Variants in PCDH11Y observed in about 807,000 individuals in gnomAD.
The protein encoded by PCDH11Y is protocadherin 11 Y-linked.
For missense variants in PCDH11Y, 12 were observed against 224.8 expected (o/e 0.05, Z 6.05); for synonymous variants, 9 against 83.6 (o/e 0.11, Z 4.87).
At chrY:5,324,914 G>A (rs2053116936) in intron 2 of PCDH11Y, among the ~76,000 whole-genome samples, 1 of 31,459 alleles carries the variant, frequency 3.2e-5, no homozygotes, top group Non-Finnish European at 7.7e-5. Context: ...GGGTGGGGCC[G>A]TTTTATAGCA....
At chrY:5,555,594 A>C in intron 3 of PCDH11Y, among the ~76,000 whole-genome samples, 1 of 32,996 alleles carries the variant, frequency 3.0e-5, no homozygotes, top group African/African-American at 1.2e-4. Flanking sequence ...TAAGTACCAC[A>C]AGATCTGATG....
At chrY:5,336,262 T>TTTTATTTA (rs2053136683) in intron 2 of PCDH11Y, among the ~76,000 whole-genome samples, 1 of 32,211 alleles carries the variant, frequency 3.1e-5, no homozygotes, top group African/African-American at 1.2e-4. Flanking sequence ...CTCATTTTTC[T>TTTTATTTA]TTTATTTATT....
intron 4 of PCDH11Y, among the ~76,000 whole-genome samples, chrY:5,600,758 C>T (rs2053472044): frequency 6.3e-5 from 2 of 31,668 alleles, no homozygotes; most frequent in Admixed American, 3.0e-4. Context: ...AATCTGATTC[C>T]GGGAAATATT....
chrY:5,694,435 A>G (rs2053570273), intron 4 of PCDH11Y, among the ~76,000 whole-genome samples: 3 of 32,503 alleles, frequency 9.2e-5, no homozygotes, highest in Non-Finnish European at 1.5e-4. Context: ...ATCTATGCCA[A>G]TCTGGTATTA....
chrY:5,554,379 A>G, intron 3 of PCDH11Y, among the ~76,000 whole-genome samples: 1 of 34,447 alleles, frequency 2.9e-5, no homozygotes, highest in Non-Finnish European at 7.2e-5. Flanking sequence ...TAGAAAAGAA[A>G]TTCCCATTTT....
At chrY:5,687,659 C>T in intron 4 of PCDH11Y, among the ~76,000 whole-genome samples, 1 of 30,543 alleles carries the variant, frequency 3.3e-5, no homozygotes, top group East Asian at 8.5e-4. Context: ...ACTTTAGAGT[C>T]AATATTCAGA....
At chrY:5,207,719 C>A in intron 2 of PCDH11Y, 1 of 237,650 alleles carries the variant, frequency 4.2e-6, no homozygotes, top group Admixed American at 7.8e-5. Context: ...TGCTTGTAAC[C>A]TGTCTTGATT....
chrY:5,131,375 A>G, intron 2 of PCDH11Y, among the ~76,000 whole-genome samples: 1 of 32,693 alleles, frequency 3.1e-5, no homozygotes, highest in Non-Finnish European at 7.5e-5. Flanking sequence ...GAAGAATTCA[A>G]TGCTGCTATC....
At chrY:5,115,658 C>T in intron 2 of PCDH11Y, among the ~76,000 whole-genome samples, 1 of 30,848 alleles carries the variant, frequency 3.2e-5, no homozygotes, top group Non-Finnish European at 7.7e-5. Context: ...AAGGAATGAA[C>T]TTCTTGGCAC....
intron 4 of PCDH11Y, among the ~76,000 whole-genome samples, chrY:5,621,604 A>C: frequency 3.1e-5 from 1 of 32,105 alleles, no homozygotes; most frequent in Non-Finnish European, 7.6e-5. Context: ...ATCCATAGCA[A>C]AAAGAACAAA....
intron 3 of PCDH11Y, among the ~76,000 whole-genome samples, chrY:5,566,995 C>T: frequency 3.2e-5 from 1 of 31,561 alleles, no homozygotes; most frequent in Non-Finnish European, 7.7e-5. Flanking sequence ...ACAAGAAATG[C>T]TATCAAATTC....
At chrY:5,202,445 A>T (rs2124650006) in intron 2 of PCDH11Y, among the ~76,000 whole-genome samples, 1 of 33,189 alleles carries the variant, frequency 3.0e-5, no homozygotes, top group Non-Finnish European at 7.4e-5. Flanking sequence ...GACAGTTGTA[A>T]TCCAGGCTCC....
intron 2 of PCDH11Y, among the ~76,000 whole-genome samples, chrY:5,455,243 A>G: frequency 6.0e-5 from 2 of 33,580 alleles, no homozygotes; most frequent in Non-Finnish European, 1.5e-4. Flanking sequence ...TTGCTAAGAC[A>G]TAACAAAAGT....
At chrY:5,067,175 G>A in intron 1 of PCDH11Y, among the ~76,000 whole-genome samples, 1 of 32,283 alleles carries the variant, frequency 3.1e-5, no homozygotes, top group Non-Finnish European at 7.6e-5. Flanking sequence ...TTACCTAACT[G>A]CTAAAATGAA....
chrY:5,291,787 A>G, intron 2 of PCDH11Y, among the ~76,000 whole-genome samples: 1 of 33,682 alleles, frequency 3.0e-5, no homozygotes, highest in African/African-American at 1.2e-4. Context: ...TTCTCATGCT[A>G]TGTTGAATAA....
intron 2 of PCDH11Y, among the ~76,000 whole-genome samples, chrY:5,224,506 C>A: frequency 3.2e-5 from 1 of 31,372 alleles, no homozygotes; most frequent in Non-Finnish European, 7.7e-5. Flanking sequence ...TGGCTTTCGT[C>A]GTCTTAGCTG....
At chrY:5,027,932 AATTAC>A in intron 1 of PCDH11Y, among the ~76,000 whole-genome samples, 1 of 31,666 alleles carries the variant, frequency 3.2e-5, no homozygotes, top group African/African-American at 1.2e-4. Flanking sequence ...AAGGAGTGTA[AATTAC>A]AGTTACTTCA....
chrY:5,170,296 G>T, intron 2 of PCDH11Y, among the ~76,000 whole-genome samples: 10 of 27,697 alleles, frequency 3.6e-4, no homozygotes, highest in Admixed American at 1.1e-3. Context: ...TTCAAAATTC[G>T]TCCATACTTA....
chrY:5,533,025 G>A (rs2053396784), intron 3 of PCDH11Y, among the ~76,000 whole-genome samples: 1 of 30,975 alleles, frequency 3.2e-5, no homozygotes, highest in African/African-American at 1.3e-4. Context: ...TAGAGACGGG[G>A]TTTCACCGTG....
Sources: allele counts gnomAD v4.1 joint callset (sites outside exome capture counted in the v4.1 genomes callset), GRCh38; gene constraint gnomAD v4.1.1; transcripts MANE v1.5; gene names NCBI Gene and HGNC (gene_info 2026-07-23, HGNC 2026-07-21).